RBM48: variants seen among roughly 807,000 people sequenced by gnomAD.
RBM48 encodes the protein RNA-binding protein 48.
RBM48 carries 32 observed loss-of-function variants against 34.8 expected under a neutral mutation model. That is an observed-to-expected ratio of 0.92 (90% CI 0.69 to 1.23). The LOEUF is 1.23. Among genes scored for constraint, RBM48 ranks in the 50% most tolerant of loss-of-function variants. The probability of loss-of-function intolerance (pLI) is 0.00; values close to 1 mark genes in which losing one functional copy is unlikely to be tolerated. For synonymous variants in RBM48, 151 were observed against 156.2 expected, an observed-to-expected ratio of 0.97 and a Z score of 0.25; for missense variants, 441 against 447.2, an observed-to-expected ratio of 0.99 and a Z score of 0.12.
In RBM48 at chr7:92,534,141, A is replaced by G. The variant is rs75999913; in HGVS notation, c.449-261A>G. The G allele has an allele frequency of 2.2e-3, 941 of 435,028 alleles. 28 individuals are homozygous for G. In the East Asian group the frequency reaches 0.043, roughly 20 times the overall value. The allele number at this position is 435,028 out of a possible 1,614,324, so 26.9% of individuals were successfully genotyped here. A position where few individuals can be genotyped will look rare whatever the true frequency, so the allele number is the denominator to read the frequency against. On this transcript the variant is annotated intron_variant, in intron 3 of 4. Coordinates refer to ENST00000265732, the MANE Select transcript of RBM48 (RefSeq NM_032120.4). ...AGTGAGACATATTGAACAGATAAAT[A>G]AAAAACAATAGTGATTACTTATGGG... is the stretch of plus-strand genomic sequence containing the variant.
rs745523238 is a variant in RBM48 at position 92,536,921 on chromosome 7, AAAG to A, written c.1097_1099del (p.Arg366del). 18 of 1,606,976 alleles carry A rather than the reference AAAG, an allele frequency of 1.1e-5. No individual in the cohort carries two copies. The highest frequency in any genetic ancestry group is 2.2e-5 in the South Asian group (2 of 89,380). On this transcript the variant is annotated inframe_deletion, in exon 5 of 5. Coordinates refer to ENST00000265732, the MANE Select transcript of RBM48 (RefSeq NM_032120.4). ...GTACATACAAGTCATCCATTAAAAC[AAAG>A]AAGAAGAATATAGAGTGCCAGCAGC...
At position 92,537,521 on chromosome 7, in the gene RBM48, C is replaced by T. The variant is rs995854913; in HGVS notation, c.*584C>T. ...AAGATAGGCAGCCAGCGTCTGTTTC[C>T]AATTATAATACAAGTATTGAATGAA... On this transcript the variant is annotated 3_prime_UTR_variant, in exon 5 of 5. Transcript: ENST00000265732. The T allele has an allele frequency of 6.6e-6, 1 of 152,102 alleles. No individual in the cohort carries two copies. Among genetic ancestry groups the T allele is most frequent in the Non-Finnish European group, 1.5e-5 (1 of 68,040 alleles). 9.4% of individuals were successfully genotyped at this position (152,102 alleles called of 1,614,324 possible).
intron 4 of RBM48, 66 bp from the exon 5 acceptor site, chr7:92,536,785 T>C (rs1793724411): frequency 1.5e-5 from 22 of 1,499,536 alleles, no homozygotes; most frequent in Middle Eastern, 2.3e-4. Context: ...TTACCTCTTC[T>C]AATAGCTTAT....
In RBM48 at chr7:92,537,398, A is replaced by G. The variant is rs999631545; in HGVS notation, c.*461A>G. The G allele has an allele frequency of 4.6e-5, 7 of 152,680 alleles. No individual in the cohort carries two copies. Among genetic ancestry groups the G allele is most frequent in the African/African-American group, 1.7e-4 (7 of 41,418 alleles). 9.5% of individuals were successfully genotyped at this position (152,680 alleles called of 1,614,324 possible). On this transcript the variant is annotated 3_prime_UTR_variant, in exon 5 of 5. Coordinates refer to ENST00000265732, the MANE Select transcript of RBM48 (RefSeq NM_032120.4). ...TTCTTCTTTTTTTGACCCATACTTAATGTTGCAGAAACTATTCTTGTCATA... is the reference window on the plus strand; with the variant it reads ...TTCTTCTTTTTTTGACCCATACTTAGTGTTGCAGAAACTATTCTTGTCATA...
chr7:92,534,613 A>C lies in RBM48; in HGVS notation c.660A>C (p.Arg220Ser). Residue 220 changes from arginine to serine, a missense_variant, in exon 4 of 5, where the codon AGA (arginine) becomes AGC (serine). Physicochemically the swap from Arg to Ser is moderately radical, Grantham distance 110. Coordinates refer to ENST00000265732, the MANE Select transcript of RBM48 (RefSeq NM_032120.4). ...CMCSSGGPVD[R>S]APDSSKDGRN... ...GTTCATCCGGGGGACCTGTAGACAGAGCACCAGACTCCTCTAAGGATGGTA... is the reference window on the plus strand; with the variant it reads ...GTTCATCCGGGGGACCTGTAGACAGCGCACCAGACTCCTCTAAGGATGGTA... 1 of 1,614,218 alleles carries C rather than the reference A, an allele frequency of 6.2e-7. No homozygotes were observed. Among genetic ancestry groups the C allele is most frequent in the Non-Finnish European group, 8.5e-7 (1 of 1,180,028 alleles).
chr7:92,539,578 A>G lies in RBM48; in HGVS notation c.*2641A>G, dbSNP rs1171505187. On this transcript the variant is annotated 3_prime_UTR_variant, in exon 5 of 5. Coordinates refer to ENST00000265732, the MANE Select transcript of RBM48 (RefSeq NM_032120.4). ...GCCAGGCGTGGTGGCAAATGCCTAT[A>G]ATCCCAGCTACTCGGGAGGCTGAGG... Among the ~76,000 whole-genome samples the G allele has an allele frequency of 6.6e-6, 1 of 152,206 alleles. No individual in the cohort carries two copies. The highest frequency in any genetic ancestry group is 1.5e-5 in the Non-Finnish European group (1 of 68,036).
At position 92,534,871 on chromosome 7, in the gene RBM48, G is replaced by A; in HGVS notation, c.918G>A (p.Glu306=). The change falls in exon 4 of 5, where the codon GAG becomes GAA. Residue 306 remains glutamate, a synonymous_variant. Coordinates refer to ENST00000265732, the MANE Select transcript of RBM48 (RefSeq NM_032120.4). ...TTCAAACAAACCCAACTGGTAATGAGATTATGATTGGACCTCTGTTACCAG... is the reference window on the plus strand; with the variant it reads ...TTCAAACAAACCCAACTGGTAATGAAATTATGATTGGACCTCTGTTACCAG... The part of the protein sequence containing the change: ...TFLQTNPTGN[E]IMIGPLLPDI... 5.0e-6 allele frequency: 8 copies of A among 1,614,194 alleles called. No homozygotes were observed. The highest frequency in any genetic ancestry group is 6.8e-6 in the Non-Finnish European group (8 of 1,180,018).
chr7:92,531,538 T>C (rs1159477318), intron 2 of RBM48, among the ~76,000 whole-genome samples: 1 of 152,252 alleles, frequency 6.6e-6, no homozygotes, highest in Non-Finnish European at 1.5e-5. Flanking sequence ...TTGATTTTAC[T>C]GGGTCTTGTG....
intron 4 of RBM48, chr7:92,535,248 T>A: frequency 1.5e-6 from 2 of 1,332,498 alleles, no homozygotes; most frequent in Non-Finnish European, 1.9e-6. Context: ...TCTGTGAGAG[T>A]GGAGCCCAGG....
At chr7:92,529,293 C>A in intron 1 of RBM48, 183 bp from the exon 2 acceptor site, 1 of 580,988 alleles carries the variant, frequency 1.7e-6, no homozygotes, top group Non-Finnish European at 3.0e-6. Context: ...CCTTAGGTAG[C>A]CTCTCACATG....
At position 92,538,338 on chromosome 7, in the gene RBM48, G is replaced by T. The variant is rs1174513818; in HGVS notation, c.*1401G>T. ...AGGCAACACATGGTTAGAGTTGGGG[G>T]GTTAATCTTTAACCTCAGGCCTGGT... On this transcript the variant is annotated 3_prime_UTR_variant, in exon 5 of 5. Transcript: ENST00000265732. 6.6e-6 allele frequency among the ~76,000 whole-genome samples: 1 copy of T among 152,100 alleles called. No homozygotes were observed. The highest frequency in any genetic ancestry group is 2.4e-5 in the African/African-American group (1 of 41,398).
At chr7:92,535,971 C>T in intron 4 of RBM48, 1 of 393,430 alleles carries the variant, frequency 2.5e-6, no homozygotes, top group Non-Finnish European at 3.5e-6. Context: ...CCCATCTTTA[C>T]CATAAATATA....
intron 4 of RBM48, 84 bp downstream of exon 4, chr7:92,535,054 T>G: frequency 6.5e-7 from 1 of 1,528,332 alleles, no homozygotes. Context: ...ACAATAGTAC[T>G]GTAATTTTTT....
Position 92,528,833 on chromosome 7 carries a change from A to T in RBM48, c.20A>T (p.Glu7Val), listed in dbSNP as rs774046075. MASSGG[E>V]LGSLFDHHVQ... ...GGCAAGATGGCGTCGAGCGGCGGGG[A>T]GCTAGGGAGTTTATTTGATCACCAC... The change falls in exon 1 of 5, where the codon GAG (glutamate) becomes GTG (valine). Residue 7 changes from glutamate to valine, a missense_variant. Physicochemically the swap from Glu to Val is moderately radical, Grantham distance 121 (BLOSUM62 -2). Transcript: ENST00000265732. 1 of 1,607,544 alleles carries T rather than the reference A, an allele frequency of 6.2e-7. No homozygotes were observed. The highest frequency in any genetic ancestry group is 8.5e-7 in the Non-Finnish European group (1 of 1,175,380).
Position 92,529,576 on chromosome 7 carries a change from C to T in RBM48, c.212C>T (p.Ala71Val). 1 of 1,609,588 alleles carries T rather than the reference C, an allele frequency of 6.2e-7. No individual in the cohort carries two copies. The highest frequency in any genetic ancestry group is 8.5e-7 in the Non-Finnish European group (1 of 1,176,024). ...ELVERFALYG[A>V]IEQYNALDEY... Reference sequence around the variant, plus strand: ...GTTGAGCGATTCGCTTTATATGGTGCAATTGAACAGTACAATGCTCTAGAT... The same window carrying T: ...GTTGAGCGATTCGCTTTATATGGTGTAATTGAACAGTACAATGCTCTAGAT... Residue 71 changes from alanine (A) to valine (V), a missense_variant, in exon 2 of 5, where the codon GCA becomes GTA. By Grantham distance (64) the Ala-to-Val change is moderately conservative. Coordinates refer to ENST00000265732, the MANE Select transcript of RBM48 (RefSeq NM_032120.4).
chr7:92,539,703 A>G lies in RBM48; in HGVS notation c.*2766A>G, dbSNP rs1793817261. 6.6e-6 allele frequency among the ~76,000 whole-genome samples: 1 copy of G among 152,256 alleles called. No homozygotes were observed. The highest frequency in any genetic ancestry group is 1.9e-4 in the East Asian group (1 of 5,204). On this transcript the variant is annotated 3_prime_UTR_variant, in exon 5 of 5. Coordinates refer to ENST00000265732, the MANE Select transcript of RBM48 (RefSeq NM_032120.4). ...AACAGACGGAGACTGTGTCTCAAAA[A>G]AAAGTGTTCTTGTATACCATGTTTG... is the stretch of plus-strand genomic sequence containing the variant.
At chr7:92,533,035 C>T (rs1042686535) in intron 3 of RBM48, among the ~76,000 whole-genome samples, 7 of 152,184 alleles carry the variant, frequency 4.6e-5, no homozygotes, top group African/African-American at 1.7e-4. Flanking sequence ...TTATGATTTG[C>T]AGTTGTCAAA....
At chr7:92,535,149 T>C in intron 4 of RBM48, 179 bp downstream of exon 4, 1 of 1,433,938 alleles carries the variant, frequency 7.0e-7, no homozygotes, top group Non-Finnish European at 9.1e-7. Context: ...TGCTTTAAAC[T>C]GTTAATACTT....
chr7:92,534,509 A>T lies in RBM48; in HGVS notation c.556A>T (p.Thr186Ser). The part of the protein sequence containing the change: ...MSGFCKAALN[T>S]SAGNSNPYLP... ...TGGATTTTGTAAAGCTGCTTTGAAC[A>T]CTTCTGCAGGGAACTCAAATCCTTA... Residue 186 changes from threonine to serine, a missense_variant, in exon 4 of 5, where the codon ACT (threonine) becomes TCT (serine). Thr to Ser is a moderately conservative substitution (Grantham distance 58). Transcript: ENST00000265732. The T allele has an allele frequency of 6.2e-7, 1 of 1,614,158 alleles. No individual in the cohort carries two copies. The highest frequency in any genetic ancestry group is 1.1e-5 in the South Asian group (1 of 91,082).
Sources: allele counts gnomAD v4.1 joint callset (sites outside exome capture counted in the v4.1 genomes callset), GRCh38; gene constraint gnomAD v4.1.1; transcripts MANE v1.5; gene names NCBI Gene and HGNC (gene_info 2026-07-23, HGNC 2026-07-21).